TMEFF2: variants seen among roughly 807,000 people sequenced by gnomAD.
The protein encoded by TMEFF2 is transmembrane protein with EGF like and two follistatin like domains 2, also known as tomoregulin-2.
In TMEFF2, 28 loss-of-function variants were observed where a neutral mutation model predicts 53.8. The observed-to-expected ratio is 0.52, with a 90% CI of 0.39 to 0.71. TMEFF2 has a LOEUF of 0.71. Ranked by LOEUF, TMEFF2 falls within the 30% of genes least tolerant of loss-of-function variation. The probability of loss-of-function intolerance (pLI) is 0.00; values close to 1 mark genes in which losing one functional copy is unlikely to be tolerated. For synonymous variants in TMEFF2, 162 were observed against 166.3 expected (o/e 0.97, Z 0.20); for missense variants, 353 against 455.2 (o/e 0.78, Z 2.04).
intron 3 of TMEFF2, among the ~76,000 whole-genome samples, chr2:192,180,259 T>G (rs10204376): frequency 0.95 from 144,562 of 151,600 alleles, 69,271 homozygotes; most frequent in East Asian, 1. Flanking sequence ...CAGCTTAATT[T>G]TTGCCTTTGT....
At chr2:191,983,196 G>T (rs1685895256) in intron 7 of TMEFF2, among the ~76,000 whole-genome samples, 1 of 152,162 alleles carries the variant, frequency 6.6e-6, no homozygotes, top group Non-Finnish European at 1.5e-5. Flanking sequence ...TGACAGGCAG[G>T]TGGTGAATAA....
At chr2:191,981,857 G>A (rs765015323) in intron 7 of TMEFF2, among the ~76,000 whole-genome samples, 13 of 152,064 alleles carry the variant, frequency 8.5e-5, no homozygotes, top group South Asian at 2.1e-4. Context: ...AGCTCCCTAA[G>A]CCCCTTCATC....
intron 5 of TMEFF2, among the ~76,000 whole-genome samples, chr2:192,054,964 C>T (rs1165704892): frequency 6.6e-6 from 1 of 151,266 alleles, no homozygotes; most frequent in Non-Finnish European, 1.5e-5. Flanking sequence ...CTCTTAAAAG[C>T]TCATGTCTTA....
intron 7 of TMEFF2, among the ~76,000 whole-genome samples, chr2:191,962,022 A>C (rs1692288185): frequency 6.6e-6 from 1 of 152,212 alleles, no homozygotes; most frequent in South Asian, 2.1e-4. Flanking sequence ...TAAGGATACA[A>C]TCAATTCTCA....
At chr2:192,142,726 T>C (rs1272496954) in intron 4 of TMEFF2, among the ~76,000 whole-genome samples, 1 of 152,160 alleles carries the variant, frequency 6.6e-6, no homozygotes, top group Non-Finnish European at 1.5e-5. Context: ...AGACTATACC[T>C]ACAGATTGAA....
chr2:192,089,276 C>T (rs1444517799), intron 4 of TMEFF2, among the ~76,000 whole-genome samples: 1 of 150,460 alleles, frequency 6.6e-6, no homozygotes, highest in African/African-American at 2.5e-5. Context: ...CCCAAGCATC[C>T]TCCTACTTGA....
intron 5 of TMEFF2, 87 bp downstream of exon 5, chr2:192,057,592 G>T: frequency 2.7e-6 from 3 of 1,131,284 alleles, no homozygotes; most frequent in Non-Finnish European, 4.0e-6. Context: ...TGCAGACAAT[G>T]TCTTCTGTTG....
chr2:192,183,375 A>G (rs143717343), intron 3 of TMEFF2, among the ~76,000 whole-genome samples: 285 of 152,130 alleles, frequency 1.9e-3, no homozygotes, highest in African/African-American at 6.5e-3. Context: ...AACTTTTAAC[A>G]TCATACACTA....
intron 7 of TMEFF2, among the ~76,000 whole-genome samples, chr2:191,984,605 G>T (rs1186511270): frequency 6.6e-6 from 1 of 152,056 alleles, no homozygotes; most frequent in African/African-American, 2.4e-5. Flanking sequence ...TTATATAATA[G>T]ATTTCTTTTC....
intron 4 of TMEFF2, among the ~76,000 whole-genome samples, chr2:192,133,951 C>T (rs1273039388): frequency 2.0e-5 from 3 of 152,168 alleles, no homozygotes; most frequent in African/African-American, 7.2e-5. Context: ...CCTTCCTAGG[C>T]ATGGTTAGTG....
intron 5 of TMEFF2, among the ~76,000 whole-genome samples, chr2:192,055,500 C>T (rs964834657): frequency 2.6e-5 from 4 of 152,094 alleles, no homozygotes; most frequent in South Asian, 2.1e-4. Flanking sequence ...GTTGGCTGGG[C>T]GTGGTAGCTC....
chr2:192,042,831 A>G (rs1171707427), intron 5 of TMEFF2, among the ~76,000 whole-genome samples: 1 of 152,206 alleles, frequency 6.6e-6, no homozygotes, highest in Non-Finnish European at 1.5e-5. Context: ...CTGGAATGCT[A>G]GAGTCAATTT....
chr2:192,044,809 G>A (rs1000288044), intron 5 of TMEFF2, among the ~76,000 whole-genome samples: 2 of 152,066 alleles, frequency 1.3e-5, no homozygotes, highest in African/African-American at 4.8e-5. Flanking sequence ...TTTGCTACTG[G>A]GCCTTAGTAG....
chr2:192,044,756 T>C (rs1284692206), intron 5 of TMEFF2, among the ~76,000 whole-genome samples: 5 of 152,172 alleles, frequency 3.3e-5, no homozygotes, highest in Non-Finnish European at 7.4e-5. Flanking sequence ...AGCCCTGATA[T>C]CTTCTGTGGA....
rs60273464 is a variant in TMEFF2, at chr2:192,193,753, T to TAGAGAGAGAGAG, written c.172+599_172+600insCTCTCTCTCTCT. ...GAAGGGAATGAGAGAGAGAGAGAGA[T>TAGAGAGAGAGAG]AGATAGATAGAGAGAGAGAGAGAGA... On this transcript the variant is annotated intron_variant, in intron 1 of 9. Transcript: ENST00000272771. Among the ~76,000 whole-genome samples, 17 of 122,664 alleles carry TAGAGAGAGAGAG rather than the reference T, an allele frequency of 1.4e-4. 2 individuals are homozygous for TAGAGAGAGAGAG. The highest frequency in any genetic ancestry group is 2.8e-4 in the Non-Finnish European group (16 of 57,300). 80.5% of individuals were successfully genotyped at this position (122,664 alleles called of 152,430 possible).
chr2:192,075,324 T>TAA (rs1459508513), intron 4 of TMEFF2, among the ~76,000 whole-genome samples: 4 of 77,266 alleles, frequency 5.2e-5, no homozygotes, highest in African/African-American at 4.5e-5. Flanking sequence ...TATATATATA[T>TAA]ATATATATAC....
chr2:192,090,413 C>T (rs1688764468), intron 4 of TMEFF2, among the ~76,000 whole-genome samples: 1 of 152,100 alleles, frequency 6.6e-6, no homozygotes, highest in Non-Finnish European at 1.5e-5. Flanking sequence ...GGCATCATGA[C>T]ATGTCTTTAA....
intron 7 of TMEFF2, among the ~76,000 whole-genome samples, chr2:191,985,452 A>C (rs531653584): frequency 2.6e-4 from 39 of 152,256 alleles, no homozygotes; most frequent in Non-Finnish European, 4.7e-4. Context: ...TTTTCTTTTA[A>C]TGACTTTTAG....
intron 4 of TMEFF2, among the ~76,000 whole-genome samples, chr2:192,064,577 C>T (rs148583407): frequency 2.0e-5 from 3 of 151,826 alleles, no homozygotes; most frequent in African/African-American, 7.2e-5. Context: ...ATATGATGCA[C>T]AGTAGATTGT....
Sources: gnomAD v4.1 joint callset for allele counts (sites outside exome capture counted in the v4.1 genomes callset) on GRCh38, gnomAD v4.1.1 for gene constraint, MANE v1.5 for transcripts, NCBI Gene and HGNC (gene_info 2026-07-23, HGNC 2026-07-21) for gene names.